Variants in TRAPPC9 observed in about 807,000 individuals in gnomAD.
TRAPPC9 encodes the protein IKK2 binding protein.
In TRAPPC9, 83 loss-of-function variants were observed where a neutral mutation model predicts 124.0. The ratio of observed to expected loss-of-function variants is 0.67; its 90% CI spans 0.56 to 0.80. TRAPPC9 has a LOEUF of 0.80. Among genes scored for constraint, TRAPPC9 ranks in the 30% least tolerant of loss-of-function variants. The probability of loss-of-function intolerance (pLI) is 0.00; values close to 1 mark genes in which losing one functional copy is unlikely to be tolerated. For missense variants in TRAPPC9, 1,302 were observed against 1,508.3 expected, an observed-to-expected ratio of 0.86 and a Z score of 2.27; for synonymous variants, 638 against 617.5, an observed-to-expected ratio of 1.03 and a Z score of -0.49.
chr8:140,089,488 C>T (rs1468201441), intron 17 of TRAPPC9, among the ~76,000 whole-genome samples: 1 of 152,164 alleles, frequency 6.6e-6, no homozygotes, highest in African/African-American at 2.4e-5. Context: ...CTTTAAATGG[C>T]CCCATACAAA....
intron 5 of TRAPPC9, among the ~76,000 whole-genome samples, chr8:140,413,661 T>G (rs1279549850): frequency 1.4e-5 from 1 of 72,294 alleles, no homozygotes; most frequent in Non-Finnish European, 2.5e-5. Flanking sequence ...CCCTCCCCCC[T>G]CCCCCCACCC....
intron 21 of TRAPPC9, among the ~76,000 whole-genome samples, chr8:139,796,181 T>C (rs1274652362): frequency 6.7e-6 from 1 of 148,720 alleles, no homozygotes; most frequent in African/African-American, 2.5e-5. Context: ...AGGAGAAGGA[T>C]GAGGAGGAGG....
chr8:139,739,389 C>G (rs918677350), intron 21 of TRAPPC9, among the ~76,000 whole-genome samples: 5 of 152,254 alleles, frequency 3.3e-5, no homozygotes, highest in African/African-American at 1.2e-4. Flanking sequence ...TGCTCCTCGC[C>G]TGCCTGGCCC....
At chr8:140,081,907 G>A (rs1563746314) in intron 17 of TRAPPC9, 1 of 152,294 alleles carries the variant, frequency 6.6e-6, no homozygotes, top group African/African-American at 2.4e-5. Context: ...CCGTGAATAT[G>A]ACTTAACTAG....
intron 19 of TRAPPC9, among the ~76,000 whole-genome samples, chr8:139,917,305 C>A (rs1832215427): frequency 1.3e-5 from 2 of 151,606 alleles, no homozygotes; most frequent in African/African-American, 4.8e-5. Flanking sequence ...CTCAGCCTCC[C>A]AAGTAGCTGG....
intron 1 of TRAPPC9, among the ~76,000 whole-genome samples, chr8:140,457,109 G>A (rs149723123): frequency 6.6e-6 from 1 of 152,248 alleles, no homozygotes; most frequent in African/African-American, 2.4e-5. Flanking sequence ...GAAAGGGCTA[G>A]GGGAGAAGTC....
intron 17 of TRAPPC9, among the ~76,000 whole-genome samples, chr8:140,086,103 C>G (rs906734800): frequency 1.3e-5 from 2 of 152,182 alleles, no homozygotes; most frequent in African/African-American, 4.8e-5. Flanking sequence ...CCTTCCCATC[C>G]TCCTGAAGAC....
intron 19 of TRAPPC9, among the ~76,000 whole-genome samples, chr8:139,961,153 C>A (rs1470865299): frequency 8.0e-6 from 1 of 124,780 alleles, no homozygotes; most frequent in Non-Finnish European, 1.9e-5. Context: ...TGTCCTCGGA[C>A]AAACCCACGT....
intron 19 of TRAPPC9, among the ~76,000 whole-genome samples, chr8:139,980,225 G>A (rs899205002): frequency 3.9e-5 from 6 of 152,056 alleles, no homozygotes; most frequent in Non-Finnish European, 5.9e-5. Context: ...CTGCCTAAAC[G>A]GGCCCAGCTA....
At chr8:140,308,698 T>C (rs1291586618) in intron 10 of TRAPPC9, among the ~76,000 whole-genome samples, 2 of 152,088 alleles carry the variant, frequency 1.3e-5, no homozygotes, top group African/African-American at 2.4e-5. Flanking sequence ...CTGGCCAATA[T>C]GGTGAAACCC....
At chr8:140,041,433 C>T (rs1841271445) in intron 17 of TRAPPC9, among the ~76,000 whole-genome samples, 2 of 152,210 alleles carry the variant, frequency 1.3e-5, no homozygotes, top group South Asian at 4.1e-4. Flanking sequence ...ATTTTTTCCA[C>T]AGAAAGTGAG....
intron 17 of TRAPPC9, among the ~76,000 whole-genome samples, chr8:140,046,915 C>T (rs539030412): frequency 3.8e-4 from 58 of 152,330 alleles, no homozygotes; most frequent in Non-Finnish European, 7.4e-4. Context: ...TAAAATGGGA[C>T]AGATATTCCT....
chr8:140,085,168 C>T (rs1229258476), intron 17 of TRAPPC9, among the ~76,000 whole-genome samples: 3 of 152,078 alleles, frequency 2.0e-5, no homozygotes, highest in Non-Finnish European at 4.4e-5. Context: ...AAAGAGAGTT[C>T]CCCGACGCTC....
At chr8:140,066,418 C>G (rs1354820082) in intron 17 of TRAPPC9, among the ~76,000 whole-genome samples, 3 of 152,166 alleles carry the variant, frequency 2.0e-5, no homozygotes, top group Admixed American at 6.5e-5. Context: ...GGCGATTGTG[C>G]TGTGTTTAAT....
intron 16 of TRAPPC9, among the ~76,000 whole-genome samples, chr8:140,236,239 T>C (rs112915800): frequency 1.3e-5 from 2 of 152,080 alleles, no homozygotes; most frequent in Non-Finnish European, 1.5e-5. Flanking sequence ...TGTGCCACCA[T>C]GCCCAGCTAA....
chr8:139,772,952 G>T (rs1563802579), intron 21 of TRAPPC9, among the ~76,000 whole-genome samples: 1 of 152,246 alleles, frequency 6.6e-6, no homozygotes. Flanking sequence ...TGAATGCAAA[G>T]TGAATCCCTG....
At chr8:139,780,680 G>A (rs1293672043) in intron 21 of TRAPPC9, among the ~76,000 whole-genome samples, 1 of 151,874 alleles carries the variant, frequency 6.6e-6, no homozygotes, top group Non-Finnish European at 1.5e-5. Context: ...TGGTAAGCTG[G>A]ACTTCATTAC....
intron 9 of TRAPPC9, 23 bp downstream of exon 9, chr8:140,360,027 C>A: frequency 3.1e-6 from 5 of 1,613,726 alleles, no homozygotes; most frequent in Non-Finnish European, 4.2e-6. Flanking sequence ...TGAAAAAAAA[C>A]ATTGTGGTTT....
At chr8:139,811,053 G>A (rs1011929273) in intron 21 of TRAPPC9, among the ~76,000 whole-genome samples, 6 of 152,176 alleles carry the variant, frequency 3.9e-5, no homozygotes, top group African/African-American at 1.4e-4. Context: ...AGACAAAGAG[G>A]AAGGCAGAAA....
Sources: allele counts gnomAD v4.1 joint callset (sites outside exome capture counted in the v4.1 genomes callset), GRCh38; gene constraint gnomAD v4.1.1; transcripts MANE v1.5; gene names NCBI Gene and HGNC (gene_info 2026-07-23, HGNC 2026-07-21).